TTC7B: variants seen among roughly 807,000 people sequenced by gnomAD.
TTC7B encodes tetratricopeptide repeat protein 7B.
A neutral mutation model predicts 106.8 loss-of-function variants in TTC7B; 28 were observed. The ratio of observed to expected loss-of-function variants is 0.26; its 90% CI spans 0.19 to 0.36. The LOEUF (loss-of-function observed/expected upper bound fraction) is 0.36, where lower values mean the gene tolerates loss of function less well. Ranked by LOEUF, TTC7B falls within the 10% of genes least tolerant of loss-of-function variation. The pLI is 1.00. For synonymous variants in TTC7B, 405 were observed against 430.6 expected (o/e 0.94, Z 0.74); for missense variants, 862 against 1,076.4 (o/e 0.80, Z 2.79).
intron 1 of TTC7B, among the ~76,000 whole-genome samples, chr14:90,813,900 C>G (rs2031036019): frequency 6.6e-6 from 1 of 152,198 alleles, no homozygotes; most frequent in Admixed American, 6.5e-5. Flanking sequence ...AAGGCCTCAC[C>G]AGTCAAACGG....
intron 19 of TTC7B, among the ~76,000 whole-genome samples, chr14:90,551,943 T>A (rs1432001355): frequency 1.3e-5 from 2 of 152,232 alleles, no homozygotes; most frequent in Non-Finnish European, 2.9e-5. Flanking sequence ...TCCACCTGGA[T>A]TCTAGAAGCT....
chr14:90,717,732 C>G (rs1888714301), intron 5 of TTC7B, among the ~76,000 whole-genome samples: 1 of 152,306 alleles, frequency 6.6e-6, no homozygotes. Flanking sequence ...GTCCCCACCC[C>G]CAGCCCACCT....
chr14:90,785,318 A>G (rs1208027882), intron 2 of TTC7B, among the ~76,000 whole-genome samples: 1 of 152,170 alleles, frequency 6.6e-6, no homozygotes, highest in African/African-American at 2.4e-5. Context: ...GAAGAGAAGA[A>G]AAATGAGAAA....
At chr14:90,754,329 C>T (rs945256731) in intron 3 of TTC7B, among the ~76,000 whole-genome samples, 3 of 152,322 alleles carry the variant, frequency 2.0e-5, no homozygotes, top group Non-Finnish European at 2.9e-5. Context: ...TAAAGCAGTA[C>T]AGCAGAGTAG....
intron 5 of TTC7B, among the ~76,000 whole-genome samples, chr14:90,724,595 C>T (rs1889019124): frequency 6.6e-6 from 1 of 152,334 alleles, no homozygotes; most frequent in Non-Finnish European, 1.5e-5. Context: ...TGCTCCTGCT[C>T]TGGCCATGTG....
intron 15 of TTC7B, among the ~76,000 whole-genome samples, chr14:90,635,300 G>C (rs180963859): frequency 6.6e-6 from 1 of 151,818 alleles, no homozygotes; most frequent in Non-Finnish European, 1.5e-5. Flanking sequence ...AAATATAATC[G>C]ATCTAAAAGA....
intron 1 of TTC7B, among the ~76,000 whole-genome samples, chr14:90,799,138 C>T (rs1414373030): frequency 6.6e-6 from 1 of 152,158 alleles, no homozygotes; most frequent in Non-Finnish European, 1.5e-5. Flanking sequence ...GCTCCAGGTC[C>T]TCAGCATCTT....
At chr14:90,797,114 G>A (rs2029925838) in intron 1 of TTC7B, among the ~76,000 whole-genome samples, 1 of 148,666 alleles carries the variant, frequency 6.7e-6, no homozygotes, top group Non-Finnish European at 1.5e-5. Flanking sequence ...CAAAGTGCTG[G>A]GATTACAGGC....
intron 19 of TTC7B, among the ~76,000 whole-genome samples, chr14:90,561,936 C>T (rs1890607480): frequency 6.6e-6 from 1 of 152,206 alleles, no homozygotes; most frequent in Non-Finnish European, 1.5e-5. Flanking sequence ...ACCTACCTGT[C>T]CTCAGGAGCC....
In TTC7B at chr14:90,805,836, G is replaced by A. The variant is rs2030573572; in HGVS notation, c.121+10339C>T. On this transcript the variant is annotated intron_variant, in intron 1 of 19. Coordinates refer to ENST00000328459, the MANE Select transcript of TTC7B (RefSeq NM_001010854.2). The surrounding 1 kb of genome is among the most constrained non-coding windows in gnomAD (Gnocchi z 4.0). ...CAGAGTCACTCCTGTGAGCCCTGCG[G>A]CGGGCACAGCTCAATGCCCAGGGGC... Among the ~76,000 whole-genome samples, 1 of 147,604 alleles carries A rather than the reference G, an allele frequency of 6.8e-6. No individual in the cohort carries two copies. Among genetic ancestry groups the A allele is most frequent in the Non-Finnish European group, 1.5e-5 (1 of 66,662 alleles).
At chr14:90,756,800 G>T (rs1164860563) in intron 3 of TTC7B, among the ~76,000 whole-genome samples, 2 of 151,882 alleles carry the variant, frequency 1.3e-5, no homozygotes, top group Non-Finnish European at 2.9e-5. Context: ...TAAAGCTCCA[G>T]CCCTCTGAGC....
intron 19 of TTC7B, among the ~76,000 whole-genome samples, chr14:90,545,624 C>T (rs1255390685): frequency 6.6e-6 from 1 of 152,252 alleles, no homozygotes; most frequent in Non-Finnish European, 1.5e-5. Context: ...CAGTGGGATG[C>T]AGAGGGCTCT....
chr14:90,695,211 TA>T (rs1887688764), intron 6 of TTC7B, among the ~76,000 whole-genome samples: 1 of 142,580 alleles, frequency 7.0e-6, no homozygotes, highest in African/African-American at 2.6e-5. Context: ...AAAACATGTA[TA>T]TTTTATATAC....
At chr14:90,728,121 G>A (rs1396933812) in intron 5 of TTC7B, among the ~76,000 whole-genome samples, 6 of 152,030 alleles carry the variant, frequency 3.9e-5, no homozygotes. Flanking sequence ...CCTCCTAAAA[G>A]TAATTCCTCA....
chr14:90,701,618 C>T (rs186187498), intron 5 of TTC7B, among the ~76,000 whole-genome samples: 3 of 151,970 alleles, frequency 2.0e-5, no homozygotes, highest in South Asian at 2.1e-4. Flanking sequence ...GAAAGCCTTG[C>T]CCCATCTCAC....
At chr14:90,664,578 C>T (rs974605798) in intron 9 of TTC7B, among the ~76,000 whole-genome samples, 1 of 152,182 alleles carries the variant, frequency 6.6e-6, no homozygotes, top group African/African-American at 2.4e-5. Context: ...GCTGCATTCA[C>T]ATTTTAATAA....
At chr14:90,644,263 A>ACACG in intron 14 of TTC7B, 55 bp from the exon 15 acceptor site, 2 of 1,292,610 alleles carry the variant, frequency 1.5e-6, no homozygotes, top group Non-Finnish European at 2.1e-6. Flanking sequence ...ACACGCACAC[A>ACACG]CACACACACA....
chr14:90,633,726 T>C (rs1884802089), intron 15 of TTC7B, among the ~76,000 whole-genome samples: 1 of 152,112 alleles, frequency 6.6e-6, no homozygotes, highest in Non-Finnish European at 1.5e-5. Context: ...CTAAGTAAAA[T>C]GTATTAATGA....
chr14:90,769,861 A>G (rs187528281), intron 3 of TTC7B, among the ~76,000 whole-genome samples: 22 of 152,338 alleles, frequency 1.4e-4, no homozygotes, highest in African/African-American at 5.1e-4. Context: ...TTTAAATTAA[A>G]AAAGGCGTTG....
Sources: gnomAD v4.1 joint callset for allele counts (sites outside exome capture counted in the v4.1 genomes callset) on GRCh38, gnomAD v4.1.1 for gene constraint, Gnocchi (gnomAD v3.1) non-coding constraint, MANE v1.5 for transcripts, NCBI Gene and HGNC (gene_info 2026-07-23, HGNC 2026-07-21) for gene names.